Variants in ZNF143 observed in about 807,000 individuals in gnomAD.
ZNF143 encodes the protein SPH-binding factor.
ZNF143 carries 49 observed loss-of-function variants against 74.1 expected under a neutral mutation model. The observed-to-expected ratio is 0.66, with a 90% CI of 0.53 to 0.84. The LOEUF is 0.84. ZNF143 is among the 40% of genes least tolerant of loss of function. The probability of loss-of-function intolerance (pLI) is 0.00; values close to 1 mark genes in which losing one functional copy is unlikely to be tolerated. For missense variants in ZNF143, 637 were observed against 793.4 expected (o/e 0.80, Z 2.37); for synonymous variants, 304 against 282.8 (o/e 1.07, Z -0.75).
At chr11:9,482,565 C>T (rs752990424) in intron 7 of ZNF143, among the ~76,000 whole-genome samples, 3 of 151,530 alleles carry the variant, frequency 2.0e-5, no homozygotes, top group East Asian at 1.9e-4. Context: ...CCAGCGCACC[C>T]GGCCAAAAAA....
intron 15 of ZNF143, 188 bp downstream of exon 15, chr11:9,525,574 C>T: frequency 1.4e-6 from 1 of 739,568 alleles, no homozygotes; most frequent in Non-Finnish European, 2.3e-6. Context: ...TGTTCTCTAC[C>T]CATCTTTGCA....
At chr11:9,483,622 G>C (rs1039744578) in intron 7 of ZNF143, among the ~76,000 whole-genome samples, 2 of 150,474 alleles carry the variant, frequency 1.3e-5, no homozygotes, top group Non-Finnish European at 2.9e-5. Context: ...TTTATTTTTT[G>C]AGACTGAGTC....
At chr11:9,463,115 CTTTATT>C (rs1326683044) in intron 1 of ZNF143, among the ~76,000 whole-genome samples, 1 of 151,776 alleles carries the variant, frequency 6.6e-6, no homozygotes, top group African/African-American at 2.4e-5. Flanking sequence ...TGTGTCAATA[CTTTATT>C]TTTATTGCCA....
intron 11 of ZNF143, among the ~76,000 whole-genome samples, chr11:9,506,828 T>C (rs1848381121): frequency 6.6e-6 from 1 of 152,308 alleles, no homozygotes; most frequent in South Asian, 2.1e-4. Context: ...TTTTTTTTCT[T>C]TGCAAGGCTC....
intron 7 of ZNF143, among the ~76,000 whole-genome samples, chr11:9,486,353 T>TATATATATAATATATATA: frequency 2.0e-5 from 1 of 50,222 alleles, no homozygotes; most frequent in African/African-American, 7.8e-5. Flanking sequence ...ATATATATAT[T>TATATATATAATATATATA]ATATATATAT....
chr11:9,476,166 G>C (rs940046778), intron 5 of ZNF143, among the ~76,000 whole-genome samples: 2 of 151,504 alleles, frequency 1.3e-5, no homozygotes, highest in Non-Finnish European at 2.9e-5. Flanking sequence ...TTTTTTTGCT[G>C]TGTGACATTA....
intron 13 of ZNF143, 119 bp from the exon 14 acceptor site, chr11:9,516,082 T>C (rs1589944136): frequency 1.5e-6 from 1 of 669,568 alleles, no homozygotes; most frequent in Non-Finnish European, 2.3e-6. Context: ...TATTTCATTC[T>C]AAAAGGCTTA....
chr11:9,483,743 C>T (rs537052332), intron 7 of ZNF143, among the ~76,000 whole-genome samples: 22 of 148,366 alleles, frequency 1.5e-4, no homozygotes, highest in East Asian at 1.4e-3. Flanking sequence ...TTTGCCCGGC[C>T]GGAATTCTTT....
intron 14 of ZNF143, 139 bp from the exon 15 acceptor site, chr11:9,525,101 A>C (rs563331165): frequency 6.0e-6 from 6 of 993,454 alleles, no homozygotes; most frequent in Non-Finnish European, 8.7e-6. Context: ...CCTCCTTTCA[A>C]TATAGGCTTT....
At chr11:9,508,535 G>T in intron 11 of ZNF143, 84 bp from the exon 12 acceptor site, 1 of 1,230,804 alleles carries the variant, frequency 8.1e-7, no homozygotes, top group Non-Finnish European at 1.1e-6. Context: ...ATTTTTAGAG[G>T]TATTTTACCC....
intron 2 of ZNF143, 31 bp downstream of exon 2, chr11:9,471,451 G>A (rs1856561186): frequency 6.8e-7 from 1 of 1,467,520 alleles, no homozygotes; most frequent in Non-Finnish European, 9.2e-7. Context: ...GGATGCGTTT[G>A]AAAATATCAT....
intron 1 of ZNF143, among the ~76,000 whole-genome samples, chr11:9,466,519 C>A (rs1276048348): frequency 6.6e-6 from 1 of 152,036 alleles, no homozygotes; most frequent in Non-Finnish European, 1.5e-5. Flanking sequence ...TGGTCTCGAA[C>A]TCCTGACCTC....
intron 14 of ZNF143, among the ~76,000 whole-genome samples, chr11:9,520,193 G>A (rs1250589454): frequency 6.6e-6 from 1 of 151,322 alleles, no homozygotes. Context: ...CCACCAGCAT[G>A]CCCAGCTAAT....
chr11:9,478,676 A>G, intron 6 of ZNF143, 90 bp downstream of exon 6: 1 of 1,435,714 alleles, frequency 7.0e-7, no homozygotes, highest in African/African-American at 1.4e-5. Context: ...ACACCTCATC[A>G]AAAAAAACCT....
At chr11:9,477,099 A>AC (rs1316698584) in intron 5 of ZNF143, among the ~76,000 whole-genome samples, 1 of 148,748 alleles carries the variant, frequency 6.7e-6, no homozygotes, top group Non-Finnish European at 1.5e-5. Context: ...GTTGGAAAAA[A>AC]GTAAAGTCTG....
At chr11:9,523,204 G>A (rs1849000370) in intron 14 of ZNF143, among the ~76,000 whole-genome samples, 1 of 152,034 alleles carries the variant, frequency 6.6e-6, no homozygotes, top group South Asian at 2.1e-4. Flanking sequence ...GTTGTGGCTG[G>A]GTTTTGTACT....
chr11:9,519,435 C>T (rs1050196003), intron 14 of ZNF143, among the ~76,000 whole-genome samples: 7 of 152,116 alleles, frequency 4.6e-5, no homozygotes, highest in Non-Finnish European at 7.3e-5. Context: ...CGTGAGCCAC[C>T]GCACCCAGCT....
chr11:9,519,902 T>A (rs995123244), intron 14 of ZNF143, among the ~76,000 whole-genome samples: 2 of 151,874 alleles, frequency 1.3e-5, no homozygotes, highest in Non-Finnish European at 2.9e-5. Context: ...TTTTAAAAAA[T>A]AGGCTGGGCG....
intron 7 of ZNF143, among the ~76,000 whole-genome samples, chr11:9,490,111 G>C (rs1847713222): frequency 6.6e-6 from 1 of 152,036 alleles, no homozygotes; most frequent in Non-Finnish European, 1.5e-5. Flanking sequence ...TTGAGCCCAG[G>C]AGTTGGAGGG....
Sources: gnomAD v4.1 joint callset for allele counts (sites outside exome capture counted in the v4.1 genomes callset) on GRCh38, gnomAD v4.1.1 for gene constraint, MANE v1.5 for transcripts, NCBI Gene and HGNC (gene_info 2026-07-23, HGNC 2026-07-21) for gene names.